Variants in GRM4 observed in about 807,000 individuals in gnomAD.
GRM4 encodes the protein glutamate metabotropic receptor 4, also known as metabotropic glutamate receptor 4.
A neutral mutation model predicts 81.7 loss-of-function variants in GRM4; 28 were observed. The observed-to-expected ratio is 0.34, with a 90% CI of 0.25 to 0.47. The LOEUF is 0.47. Among genes scored for constraint, GRM4 ranks in the 20% least tolerant of loss-of-function variants. GRM4 has a pLI of 1.00. For missense variants in GRM4, 948 were observed against 1,290.0 expected, an observed-to-expected ratio of 0.73 and a Z score of 4.06; for synonymous variants, 488 against 528.8, an observed-to-expected ratio of 0.92 and a Z score of 1.06.
intron 3 of GRM4, among the ~76,000 whole-genome samples, chr6:34,072,117 C>CCA (rs1171463517): frequency 8.6e-6 from 1 of 116,206 alleles, no homozygotes. Flanking sequence ...CAGATACACA[C>CCA]CACACATAGA....
Position 34,035,519 on chromosome 6 carries a change from A to G in GRM4, c.2442+149T>C, listed in dbSNP as rs1428631983. ...GAGAGAAGGCAGAATGAGGCATGAAAGAAGGCAGAATGAGGCAAGAAAGAA... is the reference window on the plus strand; with the variant it reads ...GAGAGAAGGCAGAATGAGGCATGAAGGAAGGCAGAATGAGGCAAGAAAGAA... On this transcript the variant is annotated intron_variant, in intron 9 of 10. Coordinates refer to ENST00000538487, the MANE Select transcript of GRM4 (RefSeq NM_000841.4). This position sits in a 1 kb window ranked among gnomAD's most constrained non-coding sequence, Gnocchi z 6.6. The G allele has an allele frequency of 5.2e-6, 3 of 574,572 alleles. No homozygotes were observed. Among genetic ancestry groups the G allele is most frequent in the Non-Finnish European group, 9.4e-6 (3 of 320,446 alleles). 35.6% of individuals were successfully genotyped at this position (574,572 alleles called of 1,614,324 possible).
chr6:34,086,511 C>A (rs1767897100), intron 3 of GRM4, among the ~76,000 whole-genome samples: 1 of 152,240 alleles, frequency 6.6e-6, no homozygotes, highest in South Asian at 2.1e-4. Flanking sequence ...CCCCCACACT[C>A]CTTCCTGCCA....
Position 34,064,885 on chromosome 6 carries a change from C to T in GRM4, c.737-2857G>A, listed in dbSNP as rs1766377538. On this transcript the variant is annotated intron_variant, in intron 3 of 10. Transcript: ENST00000538487. This position sits in a 1 kb window ranked among gnomAD's most constrained non-coding sequence, Gnocchi z 4.4. ...CATCTCACAGATGAGGAAACTGAGGCTCAGGTTGCTAAATAGCCTAACCAA... is the reference window on the plus strand; with the variant it reads ...CATCTCACAGATGAGGAAACTGAGGTTCAGGTTGCTAAATAGCCTAACCAA... Among the ~76,000 whole-genome samples the T allele has an allele frequency of 6.6e-6, 1 of 152,170 alleles. No individual in the cohort carries two copies. Among genetic ancestry groups the T allele is most frequent in the Non-Finnish European group, 1.5e-5 (1 of 68,026 alleles).
Position 34,064,229 on chromosome 6 carries a change from G to A in GRM4, c.737-2201C>T, listed in dbSNP as rs1183325289. ...GGGGGGCGGGGGTGTGCAGAGCTCC[G>A]TAATACTAATGAACATTTATGGAGT... On this transcript the variant is annotated intron_variant, in intron 3 of 10. Coordinates refer to ENST00000538487, the MANE Select transcript of GRM4 (RefSeq NM_000841.4). This position sits in a 1 kb window ranked among gnomAD's most constrained non-coding sequence, Gnocchi z 4.4. Among the ~76,000 whole-genome samples, 2 of 152,118 alleles carry A rather than the reference G, an allele frequency of 1.3e-5. No homozygotes were observed. Among genetic ancestry groups the A allele is most frequent in the African/African-American group, 4.8e-5 (2 of 41,430 alleles).
At chr6:34,043,679 C>A (rs1229487965) in intron 6 of GRM4, among the ~76,000 whole-genome samples, 1 of 152,162 alleles carries the variant, frequency 6.6e-6, no homozygotes, top group African/African-American at 2.4e-5. Flanking sequence ...TCCTCAGAGG[C>A]TCCCGCTGAA....
chr6:34,023,887 C>T (rs2127433519), intron 10 of GRM4, among the ~76,000 whole-genome samples: 1 of 152,360 alleles, frequency 6.6e-6, no homozygotes, highest in Middle Eastern at 3.4e-3. Flanking sequence ...GGGCCTCCCT[C>T]AGTGGCCTGG....
At chr6:34,143,463 C>T (rs1770787676) in intron 1 of GRM4, among the ~76,000 whole-genome samples, 1 of 152,196 alleles carries the variant, frequency 6.6e-6, no homozygotes, top group East Asian at 1.9e-4. Flanking sequence ...TGACGAGGCC[C>T]CTGCGCTATG....
chr6:34,082,483 G>A (rs1176391619), intron 3 of GRM4, among the ~76,000 whole-genome samples: 1 of 152,142 alleles, frequency 6.6e-6, no homozygotes, highest in African/African-American at 2.4e-5. Context: ...TGTTGTGGGG[G>A]ACTCAGAGGT....
At chr6:34,043,576 G>A (rs1053802437) in intron 6 of GRM4, among the ~76,000 whole-genome samples, 5 of 152,172 alleles carry the variant, frequency 3.3e-5, no homozygotes, top group Admixed American at 2.6e-4. Context: ...AGAGAAGGCA[G>A]CTCTCTCTCA....
At chr6:34,098,061 A>G (rs1268229717) in intron 2 of GRM4, among the ~76,000 whole-genome samples, 1 of 152,186 alleles carries the variant, frequency 6.6e-6, no homozygotes, top group Non-Finnish European at 1.5e-5. Flanking sequence ...CAACTGTGCA[A>G]CCTTAGGCAA....
chr6:34,101,358 A>C (rs182714901), intron 2 of GRM4, among the ~76,000 whole-genome samples: 334 of 152,360 alleles, frequency 2.2e-3, no homozygotes, highest in African/African-American at 7.7e-3. Flanking sequence ...TCACTTGCCC[A>C]AGCTCACACA....
rs1766358799 is a variant in GRM4 at position 34,064,672 on chromosome 6, G to A, written c.737-2644C>T. ...GTAAAGGAACTGGCTCACAAGCCAGGCCCTCTCCTGGGATGACACAAGCTC... is the reference window on the plus strand; with the variant it reads ...GTAAAGGAACTGGCTCACAAGCCAGACCCTCTCCTGGGATGACACAAGCTC... On this transcript the variant is annotated intron_variant, in intron 3 of 10. Coordinates refer to ENST00000538487, the MANE Select transcript of GRM4 (RefSeq NM_000841.4). The surrounding 1 kb of genome is among the most constrained non-coding windows in gnomAD (Gnocchi z 4.4). Among the ~76,000 whole-genome samples, 1 of 152,168 alleles carries A rather than the reference G, an allele frequency of 6.6e-6. No individual in the cohort carries two copies. Among genetic ancestry groups the A allele is most frequent in the African/African-American group, 2.4e-5 (1 of 41,422 alleles).
In GRM4 at chr6:34,111,500, G is replaced by A. The variant is rs1769382746; in HGVS notation, c.520-19401C>T. ...AAGAGAGTGTTCATAACCCACCCCT[G>A]ATCTTGCCATCCTGCCCAGCTGCCC... On this transcript the variant is annotated intron_variant, in intron 2 of 10. Coordinates refer to ENST00000538487, the MANE Select transcript of GRM4 (RefSeq NM_000841.4). The surrounding 1 kb of genome is among the most constrained non-coding windows in gnomAD (Gnocchi z 5.1). Among the ~76,000 whole-genome samples, 1 of 152,176 alleles carries A rather than the reference G, an allele frequency of 6.6e-6. No homozygotes were observed. Among genetic ancestry groups the A allele is most frequent in the South Asian group, 2.1e-4 (1 of 4,820 alleles).
Position 34,102,135 on chromosome 6 carries a change from G to T in GRM4, c.520-10036C>A, listed in dbSNP as rs138098511. The T allele has an allele frequency of 1.7e-3, 2,649 of 1,535,522 alleles. 8 individuals are homozygous for T. The highest frequency in any genetic ancestry group is 4.5e-3 in the Middle Eastern group (27 of 5,988). ...GTTTGCACCATCTTGCAGCCAGCCG[G>T]AAGGACTGGGGCATTTAAGGTGTGC... On this transcript the variant is annotated intron_variant, in intron 2 of 10. Transcript: ENST00000538487.
In GRM4 at chr6:34,035,557, C is replaced by CACGAAAGAAGGCAGA; in HGVS notation, c.2442+110_2442+111insTCTGCCTTCTTTCGT. On this transcript the variant is annotated intron_variant, in intron 9 of 10. Transcript: ENST00000538487. This position sits in a 1 kb window ranked among gnomAD's most constrained non-coding sequence, Gnocchi z 6.6. ...AGGCAAGAAAGAAGGCAGAATGAGG[C>CACGAAAGAAGGCAGA]ATGAAAGAAGGCATTTCTGGAGCAG... is the stretch of plus-strand genomic sequence containing the variant. 1 of 374,782 alleles carries CACGAAAGAAGGCAGA rather than the reference C, an allele frequency of 2.7e-6. No homozygotes were observed. The highest frequency in any genetic ancestry group is 6.1e-5 in the East Asian group (1 of 16,460). 23.2% of individuals were successfully genotyped at this position (374,782 alleles called of 1,614,324 possible).
At chr6:34,143,484 C>A (rs1047059660) in intron 1 of GRM4, among the ~76,000 whole-genome samples, 13 of 152,204 alleles carry the variant, frequency 8.5e-5, no homozygotes, top group African/African-American at 3.1e-4. Context: ...GGTGCTCACA[C>A]CCCAGAGTAC....
intron 2 of GRM4, among the ~76,000 whole-genome samples, chr6:34,100,857 T>G (rs1768795875): frequency 6.6e-6 from 1 of 152,216 alleles, no homozygotes; most frequent in African/African-American, 2.4e-5. Context: ...TCTGCTACTG[T>G]AAGCAATGGG....
chr6:34,153,702 A>C (rs2018263), intron 1 of GRM4, among the ~76,000 whole-genome samples: 1 of 151,988 alleles, frequency 6.6e-6, no homozygotes, highest in South Asian at 2.1e-4. Context: ...CCTGACCAAC[A>C]TGGTGAAACC....
In GRM4 at chr6:34,048,751, C is replaced by T. The variant is rs1765471171; in HGVS notation, c.1168+7793G>A. On this transcript the variant is annotated intron_variant, in intron 6 of 10. Coordinates refer to ENST00000538487, the MANE Select transcript of GRM4 (RefSeq NM_000841.4). The surrounding 1 kb of genome is among the most constrained non-coding windows in gnomAD (Gnocchi z 4.0). ...TCATGATAGTGAGTTCTCAAGAGATCTGAGGGTTTAAAAGTGTGGCACTTC... is the reference window on the plus strand; with the variant it reads ...TCATGATAGTGAGTTCTCAAGAGATTTGAGGGTTTAAAAGTGTGGCACTTC... Among the ~76,000 whole-genome samples the T allele has an allele frequency of 6.6e-6, 1 of 152,088 alleles. No homozygotes were observed. The highest frequency in any genetic ancestry group is 2.4e-5 in the African/African-American group (1 of 41,400).
Sources: allele counts gnomAD v4.1 joint callset (sites outside exome capture counted in the v4.1 genomes callset), GRCh38; gene constraint gnomAD v4.1.1; non-coding constraint Gnocchi (gnomAD v3.1); transcripts MANE v1.5; gene names NCBI Gene and HGNC (gene_info 2026-07-23, HGNC 2026-07-21).